Variants in ABTB3 observed in about 807,000 individuals in gnomAD.
ABTB3 encodes ankyrin repeat- and BTB/POZ domain-containing protein 3.
At chr12:107,645,603 G>A in the ABTB3 span, among the ~76,000 whole-genome samples, 1,261 of 152,328 alleles carry the variant, frequency 8.3e-3, 15 homozygotes, top group African/African-American at 0.028. Context: ...TCTGGAGCAT[G>A]AGCTGGAAGC....
chr12:107,560,888 T>C, the ABTB3 span, among the ~76,000 whole-genome samples: 1 of 152,168 alleles, frequency 6.6e-6, no homozygotes, highest in African/African-American at 2.4e-5. Context: ...TTTGTTTGTG[T>C]CTAATTCTGG....
At chr12:107,649,226 C>T in the ABTB3 span, 2 of 1,613,444 alleles carry the variant, frequency 1.2e-6, no homozygotes, top group Admixed American at 3.3e-5. Flanking sequence ...AGTATCTCTA[C>T]TATGGTGGCC....
chr12:107,566,648 T>TACACACAC, the ABTB3 span, among the ~76,000 whole-genome samples: 4,482 of 136,350 alleles, frequency 0.033, 108 homozygotes, highest in East Asian at 0.1. Flanking sequence ...CTAATTTAAA[T>TACACACAC]ACACACACAC....
the ABTB3 span, among the ~76,000 whole-genome samples, chr12:107,586,493 G>A: frequency 1.3e-5 from 2 of 152,044 alleles, no homozygotes; most frequent in Non-Finnish European, 2.9e-5. Flanking sequence ...CAGACTCTCC[G>A]GCTGGGCTGC....
At chr12:107,581,141 T>G in the ABTB3 span, 100 of 1,519,454 alleles carry the variant, frequency 6.6e-5, 1 homozygote, top group Non-Finnish European at 8.7e-5. Flanking sequence ...GGGTCCCTCC[T>G]CCCACCGCAG....
chr12:107,636,091 T>C, the ABTB3 span, among the ~76,000 whole-genome samples: 13,261 of 152,056 alleles, frequency 0.087, 678 homozygotes, highest in Middle Eastern at 0.12. Flanking sequence ...ATCAGTACAT[T>C]ATGGCTGCAA....
chr12:107,370,090 T>G, the ABTB3 span, among the ~76,000 whole-genome samples: 1 of 152,232 alleles, frequency 6.6e-6, no homozygotes, highest in Non-Finnish European at 1.5e-5. Flanking sequence ...TCAGTAAACG[T>G]TATTTTCCCT....
the ABTB3 span, among the ~76,000 whole-genome samples, chr12:107,564,102 G>C: frequency 5.4e-5 from 8 of 149,094 alleles, no homozygotes; most frequent in Admixed American, 1.3e-4. Flanking sequence ...GTGTGTGTGT[G>C]TGTGTGTGTG....
chr12:107,407,732 G>A, the ABTB3 span, among the ~76,000 whole-genome samples: 1 of 152,162 alleles, frequency 6.6e-6, no homozygotes, highest in Non-Finnish European at 1.5e-5. Flanking sequence ...GAAGAGTTGG[G>A]AACATTAATA....
chr12:107,650,441 G>A, the ABTB3 span: 7 of 152,250 alleles, frequency 4.6e-5, no homozygotes, highest in Admixed American at 2.0e-4. Context: ...GACACACAGT[G>A]ACTCTCTTGT....
the ABTB3 span, among the ~76,000 whole-genome samples, chr12:107,409,716 G>C: frequency 6.6e-6 from 1 of 152,190 alleles, no homozygotes; most frequent in Non-Finnish European, 1.5e-5. Context: ...TTTGCAGGGA[G>C]TGAGAGTATC....
chr12:107,415,965 A>G, the ABTB3 span, among the ~76,000 whole-genome samples: 1 of 152,100 alleles, frequency 6.6e-6, no homozygotes, highest in African/African-American at 2.4e-5. Flanking sequence ...TGACTATGGA[A>G]TTTGAAAGAA....
chr12:107,337,253 TG>T, the ABTB3 span, among the ~76,000 whole-genome samples: 1 of 152,214 alleles, frequency 6.6e-6, no homozygotes, highest in Non-Finnish European at 1.5e-5. Flanking sequence ...TAGACTTGTA[TG>T]GGGTTGCACA....
At chr12:107,471,087 T>A in the ABTB3 span, among the ~76,000 whole-genome samples, 1 of 152,244 alleles carries the variant, frequency 6.6e-6, no homozygotes, top group Admixed American at 6.5e-5. Context: ...GGGCTGCAAG[T>A]GCATAGTCAG....
chr12:107,375,711 G>T, the ABTB3 span, among the ~76,000 whole-genome samples: 1 of 152,148 alleles, frequency 6.6e-6, no homozygotes, highest in African/African-American at 2.4e-5. Context: ...GGTCTCTGAG[G>T]TTCCTTACTA....
chr12:107,503,349 G>A, the ABTB3 span, among the ~76,000 whole-genome samples: 90 of 152,244 alleles, frequency 5.9e-4, no homozygotes, highest in East Asian at 0.015. Flanking sequence ...TGAAAAGTGT[G>A]CTTGCTGGCA....
the ABTB3 span, among the ~76,000 whole-genome samples, chr12:107,492,157 T>C: frequency 6.6e-6 from 1 of 152,156 alleles, no homozygotes; most frequent in African/African-American, 2.4e-5. Flanking sequence ...CTTTATAGAA[T>C]GGTGTTTCTG....
chr12:107,506,167 G>T, the ABTB3 span, among the ~76,000 whole-genome samples: 1 of 152,076 alleles, frequency 6.6e-6, no homozygotes, highest in Non-Finnish European at 1.5e-5. Context: ...TATGCATTCT[G>T]CAACCCAAAG....
At chr12:107,332,241 T>C in the ABTB3 span, among the ~76,000 whole-genome samples, 1 of 152,164 alleles carries the variant, frequency 6.6e-6, no homozygotes. Flanking sequence ...CTGGTGTTGA[T>C]AGAGTTGGAC....
Sources: allele counts gnomAD v4.1 joint callset (sites outside exome capture counted in the v4.1 genomes callset), GRCh38; gene constraint gnomAD v4.1.1; transcripts MANE v1.5; gene names NCBI Gene and HGNC (gene_info 2026-07-23, HGNC 2026-07-21).